The following AGBL4 variants were observed in gnomAD, a reference collection of about 807,000 sequenced individuals.
AGBL4 encodes cytosolic carboxypeptidase 6.
Under a neutral mutation model 66.4 loss-of-function variants are expected in AGBL4, and 58 were observed. The observed-to-expected ratio is 0.87, with a 90% CI of 0.71 to 1.09. The LOEUF (loss-of-function observed/expected upper bound fraction) is 1.09, where lower values mean the gene tolerates loss of function less well. Among genes scored for constraint, AGBL4 ranks in the 50% least tolerant of loss-of-function variants. The probability of loss-of-function intolerance (pLI) is 0.00; values close to 1 mark genes in which losing one functional copy is unlikely to be tolerated. For missense variants in AGBL4, 579 were observed against 631.0 expected (o/e 0.92, Z 0.88); for synonymous variants, 234 against 222.9 (o/e 1.05, Z -0.44).
At chr1:49,544,020 C>T (rs747311071) in intron 3 of AGBL4, among the ~76,000 whole-genome samples, 1 of 152,138 alleles carries the variant, frequency 6.6e-6, no homozygotes, top group East Asian at 1.9e-4. Context: ...TTTTCATACA[C>T]GTGACATATG....
At chr1:49,269,302 T>G (rs1644001733) in intron 3 of AGBL4, 1 of 152,236 alleles carries the variant, frequency 6.6e-6, no homozygotes, top group African/African-American at 2.4e-5. Flanking sequence ...CTTAAGCCAC[T>G]GGTTTTTGGT....
rs1644141905 is a variant in AGBL4 at position 49,275,113 on chromosome 1, A to T, written c.283-29249T>A. Reference sequence around the variant, plus strand: ...GTCACAGGACATAATTAATGACACTAGTTATTTTACCAAGACTTTGACTGG... The same window carrying T: ...GTCACAGGACATAATTAATGACACTTGTTATTTTACCAAGACTTTGACTGG... On this transcript the variant is annotated intron_variant, in intron 3 of 13. Transcript: ENST00000371839. Among the ~76,000 whole-genome samples the T allele has an allele frequency of 5.3e-5, 8 of 152,306 alleles. No homozygotes were observed. In the South Asian group the frequency reaches 1.7e-3, roughly 32 times the overall value.
In AGBL4 at chr1:49,318,386, AGATGAT is replaced by A. The variant is rs3052048; in HGVS notation, c.283-72528_283-72523del. Among the ~76,000 whole-genome samples the A allele has an allele frequency of 4.1e-3, 605 of 148,768 alleles. 4 individuals are homozygous for A. The highest frequency in any genetic ancestry group is 0.011 in the African/African-American group (461 of 40,240). On this transcript the variant is annotated intron_variant, in intron 3 of 13. Coordinates refer to ENST00000371839, the MANE Select transcript of AGBL4 (RefSeq NM_032785.4). ...ACAACATACGGGAATATTTAAATGC[AGATGAT>A]GATGATGATGATGATGATGATGATG... is the stretch of plus-strand genomic sequence containing the variant.
chr1:48,658,805 C>T (rs1646060546), intron 7 of AGBL4, among the ~76,000 whole-genome samples: 2 of 151,758 alleles, frequency 1.3e-5, no homozygotes, highest in African/African-American at 2.4e-5. Flanking sequence ...GGTCCCGGTG[C>T]CTGGCAATAT....
intron 4 of AGBL4, among the ~76,000 whole-genome samples, chr1:49,056,612 T>C (rs1173318219): frequency 1.3e-5 from 2 of 151,962 alleles, no homozygotes; most frequent in Non-Finnish European, 2.9e-5. Flanking sequence ...TGGCAGAAAA[T>C]AAGTTAGAAA....
intron 1 of AGBL4, among the ~76,000 whole-genome samples, chr1:49,992,481 G>A (rs1660032946): frequency 6.6e-6 from 1 of 150,756 alleles, no homozygotes; most frequent in Non-Finnish European, 1.5e-5. Flanking sequence ...AGTTCCCTAT[G>A]TATCTGGGAT....
intron 4 of AGBL4, among the ~76,000 whole-genome samples, chr1:49,186,445 C>G (rs749867769): frequency 7.9e-5 from 12 of 152,138 alleles, no homozygotes; most frequent in Non-Finnish European, 1.5e-4. Context: ...TTGTCCCTAC[C>G]TAGCTTTGTG....
chr1:48,881,507 A>G (rs1649778542), intron 5 of AGBL4, among the ~76,000 whole-genome samples: 1 of 152,170 alleles, frequency 6.6e-6, no homozygotes, highest in Non-Finnish European at 1.5e-5. Flanking sequence ...AGCACTGGGA[A>G]TATCCACTTG....
At chr1:49,648,564 T>A (rs1571245237) in intron 3 of AGBL4, among the ~76,000 whole-genome samples, 1 of 151,986 alleles carries the variant, frequency 6.6e-6, no homozygotes, top group Admixed American at 6.6e-5. Flanking sequence ...CATAAGCTTA[T>A]CATTTTAAAA....
At chr1:49,520,719 T>C (rs1434892025) in intron 3 of AGBL4, among the ~76,000 whole-genome samples, 1 of 151,910 alleles carries the variant, frequency 6.6e-6, no homozygotes, top group East Asian at 1.9e-4. Context: ...CACACAGCAC[T>C]CCTCTCCCTT....
At chr1:48,602,274 G>A (rs1569960930) in intron 9 of AGBL4, among the ~76,000 whole-genome samples, 1 of 152,284 alleles carries the variant, frequency 6.6e-6, no homozygotes, top group Middle Eastern at 3.4e-3. Context: ...TGACCCTGGA[G>A]AAGTCCTTCT....
intron 8 of AGBL4, among the ~76,000 whole-genome samples, chr1:48,638,455 A>G (rs1220302353): frequency 4.6e-5 from 7 of 152,270 alleles, no homozygotes; most frequent in Non-Finnish European, 1.0e-4. Context: ...ATTAATGTCT[A>G]TAAATGGACC....
At chr1:49,729,360 T>C (rs1383644626) in intron 2 of AGBL4, among the ~76,000 whole-genome samples, 1 of 152,162 alleles carries the variant, frequency 6.6e-6, no homozygotes, top group Non-Finnish European at 1.5e-5. Flanking sequence ...AGCAAAATTA[T>C]TTCACCATTT....
intron 6 of AGBL4, among the ~76,000 whole-genome samples, chr1:48,680,456 A>C (rs957429510): frequency 6.6e-6 from 1 of 152,174 alleles, no homozygotes; most frequent in Non-Finnish European, 1.5e-5. Context: ...ATCAGAAAAA[A>C]AATGATTGCT....
At position 49,478,665 on chromosome 1, in the gene AGBL4, C is replaced by T. The variant is rs117478935; in HGVS notation, c.282+218648G>A. ...TCATCAGAAGGTACCAAACTCATTG[C>T]TAATAGTAAGGACACAGAAAAACAC... On this transcript the variant is annotated intron_variant, in intron 3 of 13. Coordinates refer to ENST00000371839, the MANE Select transcript of AGBL4 (RefSeq NM_032785.4). Among the ~76,000 whole-genome samples, 214 of 151,978 alleles carry T rather than the reference C, an allele frequency of 1.4e-3. 7 individuals are homozygous for T. In the East Asian group the frequency reaches 0.036, roughly 26 times the overall value.
rs567963375 is a variant in AGBL4, at chr1:49,073,639, G to A, written c.378-27839C>T. Among the ~76,000 whole-genome samples the A allele has an allele frequency of 5.3e-5, 8 of 152,250 alleles. No homozygotes were observed. In the East Asian group the frequency reaches 1.5e-3, roughly 29 times the overall value. On this transcript the variant is annotated intron_variant, in intron 4 of 13. Coordinates refer to ENST00000371839, the MANE Select transcript of AGBL4 (RefSeq NM_032785.4). ...CCTCTGGAAGCTTCGTCCCAGAAGGGCACCTGCCAGATGTCAGCCAGATCT... is the reference window on the plus strand; with the variant it reads ...CCTCTGGAAGCTTCGTCCCAGAAGGACACCTGCCAGATGTCAGCCAGATCT...
intron 6 of AGBL4, among the ~76,000 whole-genome samples, chr1:48,797,431 C>T (rs964811966): frequency 3.3e-5 from 5 of 152,144 alleles, no homozygotes; most frequent in African/African-American, 1.2e-4. Flanking sequence ...CTTTTGCATC[C>T]TCATAGCTTA....
At chr1:48,793,099 G>A (rs1359038813) in intron 6 of AGBL4, among the ~76,000 whole-genome samples, 1 of 152,088 alleles carries the variant, frequency 6.6e-6, no homozygotes, top group Non-Finnish European at 1.5e-5. Flanking sequence ...ACTGTCTCTG[G>A]TTCTGATGGC....
At chr1:49,880,357 GTT>G (rs1364136833) in intron 1 of AGBL4, among the ~76,000 whole-genome samples, 1 of 152,066 alleles carries the variant, frequency 6.6e-6, no homozygotes, top group East Asian at 1.9e-4. Context: ...TGTCCTTTCT[GTT>G]TGTTAGTTTT....
Sources: gnomAD v4.1 joint callset for allele counts (sites outside exome capture counted in the v4.1 genomes callset) on GRCh38, gnomAD v4.1.1 for gene constraint, MANE v1.5 for transcripts, NCBI Gene and HGNC (gene_info 2026-07-23, HGNC 2026-07-21) for gene names.